Variants in AGBL2 observed in about 807,000 individuals in gnomAD.
The protein encoded by AGBL2 is cytosolic carboxypeptidase 2.
AGBL2 carries 87 observed loss-of-function variants against 103.0 expected under a neutral mutation model. That is an observed-to-expected ratio of 0.84 (90% CI 0.71 to 1.01). The LOEUF (loss-of-function observed/expected upper bound fraction) is 1.01, where lower values mean the gene tolerates loss of function less well. Among genes scored for constraint, AGBL2 ranks in the 50% least tolerant of loss-of-function variants. The probability of loss-of-function intolerance (pLI) is 0.00; values close to 1 mark genes in which losing one functional copy is unlikely to be tolerated. For missense variants in AGBL2, 904 were observed against 1,023.5 expected (o/e 0.88, Z 1.59); for synonymous variants, 335 against 356.7 (o/e 0.94, Z 0.69).
intron 14 of AGBL2, among the ~76,000 whole-genome samples, chr11:47,672,687 TGAGA>T (rs767619136): frequency 6.6e-6 from 1 of 152,136 alleles, no homozygotes; most frequent in East Asian, 1.9e-4. Context: ...CATAGGATTC[TGAGA>T]GAGTGGAAGG....
At chr11:47,709,483 CA>C (rs1020063489) in intron 4 of AGBL2, among the ~76,000 whole-genome samples, 52 of 152,056 alleles carry the variant, frequency 3.4e-4, no homozygotes, top group African/African-American at 1.2e-3. Flanking sequence ...TGTGTCTCTG[CA>C]AAAAATTATT....
At chr11:47,706,724 C>T (rs1028468583) in intron 4 of AGBL2, among the ~76,000 whole-genome samples, 18 of 151,424 alleles carry the variant, frequency 1.2e-4, no homozygotes, top group African/African-American at 4.4e-4. Context: ...GTTTGTGGTG[C>T]TCATATGAAA....
rs4752863 is a variant in AGBL2 at position 47,714,762 on chromosome 11, C to G, written c.-100-12G>C. On this transcript the variant is annotated splice_polypyrimidine_tract_variant and intron_variant, in intron 1 of 18. Coordinates refer to ENST00000525123, the MANE Select transcript of AGBL2 (RefSeq NM_024783.4). ...TTACACAAGAGAAGCTACAAAGCCA[C>G]AAGAGGACAAGTGAAAAAACTGCCA... The G allele has an allele frequency of 0.98, 1,135,934 of 1,154,582 alleles. 560,751 individuals carry two copies. Among genetic ancestry groups the G allele is most frequent in the East Asian group, 1 (42,699 of 42,700 alleles). 71.5% of individuals were successfully genotyped at this position (1,154,582 alleles called of 1,614,324 possible).
intron 8 of AGBL2, among the ~76,000 whole-genome samples, chr11:47,696,049 T>C (rs1429129855): frequency 1.1e-4 from 2 of 18,046 alleles, no homozygotes; most frequent in Admixed American, 4.7e-4. Flanking sequence ...AAAAAAAAAA[T>C]TAGCTGGGCG....
At chr11:47,667,099 A>G (rs757594709) in intron 16 of AGBL2, 36 bp from the exon 17 acceptor site, 7 of 1,414,578 alleles carry the variant, frequency 4.9e-6, no homozygotes, top group South Asian at 1.3e-5. Context: ...TTTTCAATTG[A>G]TCTATTCAAA....
In AGBL2 at chr11:47,709,027, CAGG is replaced by C. The variant is rs1463078224; in HGVS notation, c.232+1347_232+1349del. 1.1e-4 allele frequency among the ~76,000 whole-genome samples: 16 copies of C among 152,154 alleles called. No homozygotes were observed. In the East Asian group the frequency reaches 1.2e-3, roughly 11 times the overall value. On this transcript the variant is annotated intron_variant, in intron 4 of 18. Transcript: ENST00000525123. ...ATCCCAGATACTCAGGAGGCTGCAG[CAGG>C]AGAATAGCTTGAACCCGGGAGGCAG...
At chr11:47,687,352 G>A (rs2097428021) in intron 10 of AGBL2, among the ~76,000 whole-genome samples, 1 of 151,706 alleles carries the variant, frequency 6.6e-6, no homozygotes, top group Non-Finnish European at 1.5e-5. Context: ...AGTATTATAT[G>A]TTTTGTCCTA....
chr11:47,685,556 G>A (rs1221477508), intron 11 of AGBL2, among the ~76,000 whole-genome samples: 1 of 152,000 alleles, frequency 6.6e-6, no homozygotes, highest in African/African-American at 2.4e-5. Flanking sequence ...CAAGTAACTG[G>A]CATTACAGGC....
At chr11:47,675,654 G>A (rs1168397088) in intron 14 of AGBL2, among the ~76,000 whole-genome samples, 1 of 151,976 alleles carries the variant, frequency 6.6e-6, no homozygotes, top group Non-Finnish European at 1.5e-5. Flanking sequence ...CTCCCAAAGA[G>A]TGGGAATTAC....
intron 17 of AGBL2, among the ~76,000 whole-genome samples, chr11:47,664,828 G>A (rs1192208672): frequency 1.3e-5 from 2 of 151,468 alleles, no homozygotes; most frequent in African/African-American, 4.8e-5. Flanking sequence ...AAAGTGCTGG[G>A]ATTACAGGTG....
intron 14 of AGBL2, among the ~76,000 whole-genome samples, chr11:47,673,137 G>A (rs575012226): frequency 3.9e-5 from 6 of 152,282 alleles, no homozygotes; most frequent in South Asian, 4.1e-4. Flanking sequence ...CAGAGCAAAC[G>A]AAAAGATCTC....
Position 47,710,426 on chromosome 11 carries a change from C to T in AGBL2, c.183G>A (p.Gly61=). The change falls in exon 4 of 19, where the codon GGG becomes GGA. Residue 61 remains glycine, a synonymous_variant. Coordinates refer to ENST00000525123, the MANE Select transcript of AGBL2 (RefSeq NM_024783.4). ...NPQCLLNGSL[G]EKDDLIPDTL... Reference sequence around the variant, plus strand: ...TGTCTGGTATCAAATCATCTTTTTCCCCAAGAGAGCCATTCAACAGGCATT... The same window carrying T: ...TGTCTGGTATCAAATCATCTTTTTCTCCAAGAGAGCCATTCAACAGGCATT... 6.2e-7 allele frequency: 1 copy of T among 1,614,076 alleles called. No individual in the cohort carries two copies. Among genetic ancestry groups the T allele is most frequent in the Non-Finnish European group, 8.5e-7 (1 of 1,180,010 alleles).
chr11:47,671,356 A>T (rs2097356838), intron 14 of AGBL2, among the ~76,000 whole-genome samples: 1 of 152,040 alleles, frequency 6.6e-6, no homozygotes, highest in Admixed American at 6.6e-5. Flanking sequence ...CTCTACTAAA[A>T]ATACAAAAAA....
At chr11:47,691,729 A>AAAAAAAAT in intron 9 of AGBL2, among the ~76,000 whole-genome samples, 9 of 4,858 alleles carry the variant, frequency 1.9e-3, no homozygotes, top group African/African-American at 6.5e-3. Context: ...AAAAAAAAAA[A>AAAAAAAAT]ATATATATAT....
intron 4 of AGBL2, among the ~76,000 whole-genome samples, chr11:47,709,878 G>A (rs947924564): frequency 2.0e-5 from 3 of 150,806 alleles, no homozygotes; most frequent in Non-Finnish European, 3.0e-5. Flanking sequence ...CGTGAGCCAC[G>A]ATGCCAGGTG....
intron 14 of AGBL2, among the ~76,000 whole-genome samples, chr11:47,675,199 CTTTTTT>C (rs34012734): frequency 1.7e-5 from 1 of 58,202 alleles, no homozygotes; most frequent in Non-Finnish European, 2.9e-5. Flanking sequence ...TCCCACCAGT[CTTTTTT>C]TTTTTTTTTT....
chr11:47,713,489 C>A (rs1460067097), intron 3 of AGBL2, among the ~76,000 whole-genome samples: 1 of 151,104 alleles, frequency 6.6e-6, no homozygotes, highest in Non-Finnish European at 1.5e-5. Flanking sequence ...CGTGCCACTG[C>A]ACTCCAGCCT....
intron 11 of AGBL2, among the ~76,000 whole-genome samples, chr11:47,684,705 T>G (rs1271077794): frequency 1.3e-5 from 2 of 152,210 alleles, no homozygotes; most frequent in Non-Finnish European, 2.9e-5. Context: ...GAAGATTACC[T>G]GTATATGCCT....
intron 14 of AGBL2, 85 bp downstream of exon 14, chr11:47,677,186 T>C: frequency 8.5e-7 from 1 of 1,178,986 alleles, no homozygotes; most frequent in Non-Finnish European, 1.1e-6. Flanking sequence ...TTTTGTATTT[T>C]TTGTAGAGAC....
Sources: allele counts gnomAD v4.1 joint callset (sites outside exome capture counted in the v4.1 genomes callset), GRCh38; gene constraint gnomAD v4.1.1; transcripts MANE v1.5; gene names NCBI Gene and HGNC (gene_info 2026-07-23, HGNC 2026-07-21).